Variants in M1AP observed in about 807,000 individuals in gnomAD.
M1AP encodes the protein meiosis 1 associated protein.
In M1AP, 39 loss-of-function variants were observed where a neutral mutation model predicts 51.2. That is an observed-to-expected ratio of 0.76 (90% CI 0.59 to 1.00). The LOEUF (loss-of-function observed/expected upper bound fraction) is 1.00, where lower values mean the gene tolerates loss of function less well. Among genes scored for constraint, M1AP ranks in the 50% least tolerant of loss-of-function variants. M1AP has a pLI of 0.00. For synonymous variants in M1AP, 251 were observed against 249.2 expected (o/e 1.01, Z -0.07); for missense variants, 545 against 641.2 (o/e 0.85, Z 1.62).
chr2:74,591,400 T>C (rs1680027148), intron 4 of M1AP, among the ~76,000 whole-genome samples: 1 of 152,246 alleles, frequency 6.6e-6, no homozygotes, highest in Admixed American at 6.5e-5. Context: ...GAAGGTATTT[T>C]AAAAGTCTTC....
At chr2:74,606,626 G>A (rs1681022354) in intron 4 of M1AP, among the ~76,000 whole-genome samples, 2 of 152,028 alleles carry the variant, frequency 1.3e-5, no homozygotes, top group Non-Finnish European at 2.9e-5. Flanking sequence ...ATAAAAGAAT[G>A]TTAGAAGGGA....
At chr2:74,621,052 G>C (rs1351457506) in intron 2 of M1AP, 1 of 152,082 alleles carries the variant, frequency 6.6e-6, no homozygotes, top group Non-Finnish European at 1.5e-5. Flanking sequence ...CGAGGCAGGC[G>C]GATCACGAGG....
At chr2:74,642,093 G>A (rs183624857) in intron 1 of M1AP, among the ~76,000 whole-genome samples, 1 of 152,074 alleles carries the variant, frequency 6.6e-6, no homozygotes, top group Admixed American at 6.5e-5. Flanking sequence ...GCCTCCCAAA[G>A]TGCTGGGATT....
At chr2:74,628,094 G>A (rs532482303) in intron 2 of M1AP, among the ~76,000 whole-genome samples, 1 of 152,232 alleles carries the variant, frequency 6.6e-6, no homozygotes, top group African/African-American at 2.4e-5. Context: ...ATACACTACA[G>A]AACAAATCTT....
intron 2 of M1AP, among the ~76,000 whole-genome samples, chr2:74,636,857 G>A (rs1683015674): frequency 1.3e-5 from 2 of 152,070 alleles, no homozygotes; most frequent in South Asian, 4.1e-4. Flanking sequence ...AAGATTATAG[G>A]TGTGAGTCAC....
intron 5 of M1AP, among the ~76,000 whole-genome samples, chr2:74,578,401 T>C (rs1047490954): frequency 5.3e-5 from 8 of 151,430 alleles, no homozygotes; most frequent in Non-Finnish European, 1.0e-4. Context: ...ATGCTATCCC[T>C]CCCCCAAACC....
At chr2:74,643,331 T>C (rs1022078634) in intron 1 of M1AP, among the ~76,000 whole-genome samples, 5 of 152,150 alleles carry the variant, frequency 3.3e-5, no homozygotes, top group African/African-American at 1.2e-4. Flanking sequence ...GCAACATGGA[T>C]GATTCTAAGA....
chr2:74,589,170 A>C (rs1399908997), intron 4 of M1AP, among the ~76,000 whole-genome samples: 1 of 152,256 alleles, frequency 6.6e-6, no homozygotes, highest in African/African-American at 2.4e-5. Flanking sequence ...GAAGTGAGTC[A>C]TAAAAACATT....
intron 2 of M1AP, among the ~76,000 whole-genome samples, chr2:74,637,587 A>G (rs761178322): frequency 2.0e-5 from 3 of 152,214 alleles, no homozygotes; most frequent in Non-Finnish European, 4.4e-5. Flanking sequence ...GTTACCTGGA[A>G]ACAGTTTGAC....
At chr2:74,589,530 ATTTG>A (rs1342904127) in intron 4 of M1AP, among the ~76,000 whole-genome samples, 1 of 152,122 alleles carries the variant, frequency 6.6e-6, no homozygotes, top group Non-Finnish European at 1.5e-5. Context: ...TTTTAAAAAT[ATTTG>A]TTTGAAGGTG....
intron 4 of M1AP, among the ~76,000 whole-genome samples, chr2:74,588,734 C>T (rs1226892044): frequency 6.6e-6 from 1 of 152,154 alleles, no homozygotes; most frequent in Admixed American, 6.5e-5. Context: ...TGACTATCTT[C>T]CTGGAGCCCC....
chr2:74,642,473 G>C (rs935202639), intron 1 of M1AP, among the ~76,000 whole-genome samples: 4 of 152,174 alleles, frequency 2.6e-5, no homozygotes, highest in Non-Finnish European at 5.9e-5. Context: ...ATAGATGATA[G>C]GAATAATCTG....
intron 2 of M1AP, among the ~76,000 whole-genome samples, chr2:74,632,645 T>C (rs1426496646): frequency 6.6e-6 from 1 of 152,176 alleles, no homozygotes; most frequent in Non-Finnish European, 1.5e-5. Context: ...ATGGAGGAAA[T>C]GGAATAGGGC....
chr2:74,595,264 C>G (rs886994133), intron 4 of M1AP, among the ~76,000 whole-genome samples: 5 of 152,190 alleles, frequency 3.3e-5, no homozygotes, highest in African/African-American at 1.2e-4. Context: ...ATCCTCCCCA[C>G]TTGGCCTCCC....
chr2:74,646,137 T>C (rs1573206882), intron 1 of M1AP, among the ~76,000 whole-genome samples: 1 of 152,360 alleles, frequency 6.6e-6, no homozygotes, highest in South Asian at 2.1e-4. Context: ...TCAAAGTCTG[T>C]TGGTGACCCG....
intron 4 of M1AP, among the ~76,000 whole-genome samples, chr2:74,597,471 A>C (rs13432026): frequency 0.081 from 12,305 of 152,206 alleles, 1,390 homozygotes; most frequent in African/African-American, 0.25. Context: ...AGAAGAGGCT[A>C]CCCACCCCAC....
intron 2 of M1AP, chr2:74,628,525 T>C (rs1682528973): frequency 6.3e-6 from 3 of 476,462 alleles, no homozygotes; most frequent in African/African-American, 4.0e-5. Context: ...AAGGCAAATA[T>C]CACCCAAAGC....
chr2:74,571,481 G>A (rs572017889), intron 7 of M1AP, among the ~76,000 whole-genome samples: 28 of 152,162 alleles, frequency 1.8e-4, no homozygotes, highest in Admixed American at 1.8e-3. Flanking sequence ...GTATATGAAA[G>A]AATAAAAAAC....
At chr2:74,579,168 T>C (rs1238045687) in intron 5 of M1AP, among the ~76,000 whole-genome samples, 1 of 152,216 alleles carries the variant, frequency 6.6e-6, no homozygotes, top group East Asian at 1.9e-4. Flanking sequence ...CTGATCCTGG[T>C]GCTGAAAGCT....
Sources: allele counts gnomAD v4.1 joint callset (sites outside exome capture counted in the v4.1 genomes callset), GRCh38; gene constraint gnomAD v4.1.1; transcripts MANE v1.5; gene names NCBI Gene and HGNC (gene_info 2026-07-23, HGNC 2026-07-21).